The following BBS7 variants were observed in gnomAD, a reference collection of about 807,000 sequenced individuals.
BBS7 encodes the protein BBSome complex member BBS7.
In BBS7, 50 loss-of-function variants were observed where a neutral mutation model predicts 90.3. That is an observed-to-expected ratio of 0.55 (90% CI 0.44 to 0.70). BBS7 has a LOEUF of 0.70. Ranked by LOEUF, BBS7 falls within the 30% of genes least tolerant of loss-of-function variation. BBS7 has a pLI of 0.00. For synonymous variants in BBS7, 235 were observed against 287.4 expected (o/e 0.82, Z 1.85); for missense variants, 729 against 838.9 (o/e 0.87, Z 1.62).
chr4:121,832,106 GC>G (rs1322956359), intron 15 of BBS7, among the ~76,000 whole-genome samples: 1 of 151,566 alleles, frequency 6.6e-6, no homozygotes, highest in African/African-American at 2.4e-5. Context: ...ACTTTAGGAG[GC>G]CAACGCAGGA....
At position 121,858,893 on chromosome 4, in the gene BBS7, C is replaced by T. The variant is rs1229498760; in HGVS notation, c.528+99G>A. The stretch of plus-strand genomic sequence containing the variant: ...AATTGTTTCCACATGTTTATAAAAG[C>T]CCTTAAAACAGTAACCACTAATTTA... On this transcript the variant is annotated intron_variant, in intron 5 of 18. Coordinates refer to ENST00000264499, the MANE Select transcript of BBS7 (RefSeq NM_176824.3). The T allele has an allele frequency of 1.2e-5, 13 of 1,128,952 alleles. No individual in the cohort carries two copies. In the East Asian group the frequency reaches 3.0e-4, roughly 26 times the overall value. 69.9% of individuals were successfully genotyped at this position (1,128,952 alleles called of 1,614,324 possible). A position where few individuals can be genotyped will look rare whatever the true frequency, so the allele number is the denominator to read the frequency against.
At chr4:121,855,348 C>T in intron 6 of BBS7, 141 bp downstream of exon 6, 1 of 785,886 alleles carries the variant, frequency 1.3e-6, no homozygotes, top group Non-Finnish European at 2.2e-6. Context: ...ATTAAAAGTT[C>T]AATAACTCGT....
In BBS7 at chr4:121,848,812, T is replaced by C. The variant is rs6824258; in HGVS notation, c.934+32A>G. Reference sequence around the variant, plus strand: ...ATTTAATTTTTTTTGTTGTTGACTCTTTCTTCAATTACCTATTATCATTTA... The same window carrying C: ...ATTTAATTTTTTTTGTTGTTGACTCCTTCTTCAATTACCTATTATCATTTA... On this transcript the variant is annotated intron_variant, in intron 9 of 18. Transcript: ENST00000264499. 0.25 allele frequency: 372,289 copies of C among 1,476,652 alleles called. 46,546 individuals are homozygous for C. Among genetic ancestry groups the C allele is most frequent in the Admixed American group, 0.26 (14,637 of 55,978 alleles). The allele number at this position is 1,476,652 out of a possible 1,614,324, so 91.5% of individuals were successfully genotyped here. A position where few individuals can be genotyped will look rare whatever the true frequency, so the allele number is the denominator to read the frequency against.
At chr4:121,826,074 T>A in intron 18 of BBS7, 81 bp from the exon 19 acceptor site, 3 of 1,190,784 alleles carry the variant, frequency 2.5e-6, no homozygotes, top group Non-Finnish European at 3.6e-6. Context: ...AATTGCTTGA[T>A]AATCTATTTT....
chr4:121,865,004 C>T lies in BBS7; in HGVS notation c.103-1725G>A, dbSNP rs556139110. 3.3e-5 allele frequency among the ~76,000 whole-genome samples: 5 copies of T among 152,070 alleles called. No individual in the cohort carries two copies. The East Asian group carries it at 7.7e-4, about 23-fold the overall frequency. ...ACTTGAGTTTTTTCTTCCTATCTAG[C>T]TATAATTTTATATCCTTTAATAAAT... is the stretch of plus-strand genomic sequence containing the variant. On this transcript the variant is annotated intron_variant, in intron 2 of 18. Transcript: ENST00000264499.
intron 18 of BBS7, among the ~76,000 whole-genome samples, chr4:121,827,474 A>T (rs1724966813): frequency 1.3e-5 from 2 of 152,250 alleles, no homozygotes; most frequent in Non-Finnish European, 2.9e-5. Flanking sequence ...AAATGAAGAT[A>T]ATACCACCTA....
chr4:121,832,009 A>ACACACACACACACAC (rs1725207388), intron 15 of BBS7, among the ~76,000 whole-genome samples: 1 of 142,768 alleles, frequency 7.0e-6, no homozygotes, highest in African/African-American at 2.7e-5. Context: ...AAAAAACAAA[A>ACACACACACACACAC]ACACACACAC....
At position 121,825,622 on chromosome 4, in the gene BBS7, A is replaced by G. The variant is rs532679737; in HGVS notation, c.*238T>C. ...ACAGCCACTTGCCAAAAATTCATTA[A>G]AATCCTATTTAAATCATTCTACTTG... On this transcript the variant is annotated 3_prime_UTR_variant, in exon 19 of 19. Coordinates refer to ENST00000264499, the MANE Select transcript of BBS7 (RefSeq NM_176824.3). 2.6e-6 allele frequency: 1 copy of G among 385,764 alleles called. No homozygotes were observed. Among genetic ancestry groups the G allele is most frequent in the African/African-American group, 2.1e-5 (1 of 48,318 alleles). 23.9% of individuals were successfully genotyped at this position (385,764 alleles called of 1,614,324 possible).
At chr4:121,863,659 G>T (rs112811256) in intron 2 of BBS7, among the ~76,000 whole-genome samples, 1 of 151,946 alleles carries the variant, frequency 6.6e-6, no homozygotes. Context: ...TTCATAACTG[G>T]AGCATAAGAA....
chr4:121,863,968 G>A (rs543014798), intron 2 of BBS7, among the ~76,000 whole-genome samples: 2 of 152,212 alleles, frequency 1.3e-5, no homozygotes, highest in East Asian at 3.8e-4. Context: ...CACAGCAGGA[G>A]GTGAGCAGCG....
At chr4:121,868,115 G>A in intron 1 of BBS7, 69 bp from the exon 2 acceptor site, 1 of 1,294,338 alleles carries the variant, frequency 7.7e-7, no homozygotes. Context: ...ATAAGTTATA[G>A]TGAACCTTTT....
chr4:121,847,953 CAA>C (rs34425747), intron 9 of BBS7, among the ~76,000 whole-genome samples: 1 of 148,974 alleles, frequency 6.7e-6, no homozygotes, highest in Non-Finnish European at 1.5e-5. Flanking sequence ...GACCCTGTCT[CAA>C]AAAAAAAGTT....
rs369411905 is a variant in BBS7 at position 121,833,407 on chromosome 4, T to C, written c.1512-12A>G. On this transcript the variant is annotated splice_polypyrimidine_tract_variant and intron_variant, in intron 14 of 18. Transcript: ENST00000264499. ...GTGTATTCATGGGTCTGTAATATAATAGTAGAGGCGCACATTTATGTGTGG... is the reference window on the plus strand; with the variant it reads ...GTGTATTCATGGGTCTGTAATATAACAGTAGAGGCGCACATTTATGTGTGG... 35 of 1,613,100 alleles carry C rather than the reference T, an allele frequency of 2.2e-5. No homozygotes were observed. The highest frequency in any genetic ancestry group is 1.6e-4 in the Middle Eastern group (1 of 6,082).
rs534532852 is a variant in BBS7 at position 121,825,059 on chromosome 4, A to G, written c.*801T>C. The G allele has an allele frequency of 1.3e-5, 2 of 152,314 alleles. No individual in the cohort carries two copies. Among genetic ancestry groups the G allele is most frequent in the East Asian group, 3.9e-4 (2 of 5,180 alleles). 9.4% of individuals were successfully genotyped at this position (152,314 alleles called of 1,614,324 possible). ...CTAGTGTAGGAAAATCTAAGATGGC[A>G]TCACTATTTCTGCACTCTTCACTTG... On this transcript the variant is annotated 3_prime_UTR_variant, in exon 19 of 19. Coordinates refer to ENST00000264499, the MANE Select transcript of BBS7 (RefSeq NM_176824.3).
At chr4:121,847,960 A>C (rs142074487) in intron 9 of BBS7, among the ~76,000 whole-genome samples, 21 of 152,260 alleles carry the variant, frequency 1.4e-4, no homozygotes, top group African/African-American at 4.8e-4. Context: ...TCTCAAAAAA[A>C]AAGTTTTTAT....
chr4:121,859,226 A>T (rs1417442615), intron 4 of BBS7, 48 bp from the exon 5 acceptor site: 1 of 1,541,178 alleles, frequency 6.5e-7, no homozygotes, highest in East Asian at 2.3e-5. Flanking sequence ...CAGGTACTGA[A>T]TTTTTTTCAG....
chr4:121,830,845 C>A (rs1217443917), intron 15 of BBS7, among the ~76,000 whole-genome samples: 1 of 152,168 alleles, frequency 6.6e-6, no homozygotes, highest in African/African-American at 2.4e-5. Context: ...TTGCAGGCTA[C>A]ATACAAAGAT....
At chr4:121,851,205 G>T (rs1337995739) in intron 8 of BBS7, among the ~76,000 whole-genome samples, 1 of 151,856 alleles carries the variant, frequency 6.6e-6, no homozygotes, top group Non-Finnish European at 1.5e-5. Context: ...CAATATACTT[G>T]GAAAACATTA....
chr4:121,837,192 C>T (rs1725503915), intron 13 of BBS7, among the ~76,000 whole-genome samples: 1 of 152,054 alleles, frequency 6.6e-6, no homozygotes, highest in Non-Finnish European at 1.5e-5. Flanking sequence ...TTCTTGAACT[C>T]CTGACCTCAA....
Sources: allele counts gnomAD v4.1 joint callset (sites outside exome capture counted in the v4.1 genomes callset), GRCh38; gene constraint gnomAD v4.1.1; transcripts MANE v1.5; gene names NCBI Gene and HGNC (gene_info 2026-07-23, HGNC 2026-07-21).